The following PBRM1 variants were observed in gnomAD, a reference collection of about 807,000 sequenced individuals.
The protein encoded by PBRM1 is polybromo 1, also known as protein polybromo-1.
Under a neutral mutation model 194.5 loss-of-function variants are expected in PBRM1, and 27 were observed. The observed-to-expected ratio is 0.14, with a 90% CI of 0.10 to 0.19. The LOEUF is 0.19. Among genes scored for constraint, PBRM1 ranks in the 10% least tolerant of loss-of-function variants. PBRM1 has a pLI of 1.00. For synonymous variants in PBRM1, 655 were observed against 693.2 expected (o/e 0.94, Z 0.87); for missense variants, 1,466 against 2,077.2 (o/e 0.71, Z 5.72).
chr3:52,598,955 G>C (rs2093772311), intron 17 of PBRM1, among the ~76,000 whole-genome samples: 1 of 149,106 alleles, frequency 6.7e-6, no homozygotes, highest in African/African-American at 2.5e-5. Flanking sequence ...CTGGGAGGCA[G>C]AGGCTGCAGT....
At chr3:52,565,349 T>G (rs2084840211) in intron 22 of PBRM1, among the ~76,000 whole-genome samples, 1 of 149,708 alleles carries the variant, frequency 6.7e-6, no homozygotes, top group African/African-American at 2.5e-5. Flanking sequence ...CTACTAAAAA[T>G]ACAAAAAAAT....
chr3:52,564,599 G>C (rs2084548229), intron 22 of PBRM1, among the ~76,000 whole-genome samples: 1 of 151,492 alleles, frequency 6.6e-6, no homozygotes, highest in Admixed American at 6.6e-5. Flanking sequence ...ACAGTGAGCT[G>C]TGATTGCACT....
chr3:52,563,913 A>G, intron 23 of PBRM1, 137 bp downstream of exon 25: 1 of 622,340 alleles, frequency 1.6e-6, no homozygotes, highest in South Asian at 2.3e-5. Context: ...TTAATCTTTA[A>G]GTGAATAAAT....
At chr3:52,647,429 GAAAAAAAAAAAA>G (rs71637569) in intron 7 of PBRM1, among the ~76,000 whole-genome samples, 6 of 44,494 alleles carry the variant, frequency 1.3e-4, no homozygotes, top group South Asian at 1.4e-3. Flanking sequence ...GTATCAAAGA[GAAAAAAAAAAAA>G]AAAAAAAAAA....
At chr3:52,567,343 C>G (rs116664445) in intron 22 of PBRM1, among the ~76,000 whole-genome samples, 1 of 151,642 alleles carries the variant, frequency 6.6e-6, no homozygotes, top group Non-Finnish European at 1.5e-5. Flanking sequence ...TCAATTTGCA[C>G]GTAGGTGAAT....
intron 4 of PBRM1, among the ~76,000 whole-genome samples, chr3:52,660,103 T>C (rs758631874): frequency 6.6e-6 from 1 of 151,968 alleles, no homozygotes; most frequent in Non-Finnish European, 1.5e-5. Flanking sequence ...AAAAACAAAA[T>C]TTGAAAGAGG....
intron 5 of PBRM1, among the ~76,000 whole-genome samples, chr3:52,653,238 T>C (rs2096542380): frequency 2.0e-5 from 3 of 152,220 alleles, no homozygotes; most frequent in South Asian, 4.1e-4. Context: ...CTTCTGCTTA[T>C]TTCAGTCAAA....
chr3:52,592,426 C>CCA (rs2093174998), intron 17 of PBRM1, among the ~76,000 whole-genome samples: 1 of 152,154 alleles, frequency 6.6e-6, no homozygotes, highest in African/African-American at 2.4e-5. Context: ...GCCACCACAC[C>CCA]TGGCTGTCTT....
intron 17 of PBRM1, among the ~76,000 whole-genome samples, chr3:52,601,103 G>A (rs143787465): frequency 2.0e-5 from 3 of 152,204 alleles, no homozygotes; most frequent in East Asian, 1.9e-4. Flanking sequence ...ATTTACTTTC[G>A]TAGAAGAGGA....
chr3:52,680,506 A>T (rs2097185457), upstream of PBRM1, among the ~76,000 whole-genome samples: 1 of 152,238 alleles, frequency 6.6e-6, no homozygotes, highest in African/African-American at 2.4e-5. Flanking sequence ...TAACAATTTT[A>T]ACTATAACTC....
intron 10 of PBRM1, among the ~76,000 whole-genome samples, chr3:52,638,361 CTT>C (rs377016839): frequency 1.7e-4 from 24 of 141,432 alleles, no homozygotes; most frequent in Admixed American, 2.1e-4. Flanking sequence ...TCATTTTATT[CTT>C]TTTTTTTTTT....
At chr3:52,634,309 C>T (rs756613829) in intron 11 of PBRM1, among the ~76,000 whole-genome samples, 26 of 151,820 alleles carry the variant, frequency 1.7e-4, no homozygotes, top group Admixed American at 3.3e-4. Context: ...TGGTGGTGCG[C>T]ACCTGTAGTC....
chr3:52,643,034 C>T (rs758135878), intron 9 of PBRM1, among the ~76,000 whole-genome samples: 3 of 152,122 alleles, frequency 2.0e-5, no homozygotes, highest in Non-Finnish European at 4.4e-5. Context: ...GTGATTCACC[C>T]GTATCAGCCT....
intron 5 of PBRM1, among the ~76,000 whole-genome samples, chr3:52,656,573 G>A (rs2096611764): frequency 6.6e-6 from 1 of 152,240 alleles, no homozygotes; most frequent in Admixed American, 6.5e-5. Context: ...GCTGAGGCAG[G>A]ACAATCGCTT....
downstream of PBRM1, chr3:52,546,441 T>C (rs952250778): frequency 3.1e-5 from 7 of 229,368 alleles, no homozygotes; most frequent in Non-Finnish European, 4.3e-5. Flanking sequence ...AGTGGTTGAC[T>C]AAAGGCAATT....
intron 13 of PBRM1, among the ~76,000 whole-genome samples, chr3:52,623,682 T>C (rs1323902414): frequency 2.0e-5 from 3 of 152,242 alleles, no homozygotes; most frequent in African/African-American, 7.2e-5. Flanking sequence ...ACATATTAAC[T>C]AACTGGATCC....
At chr3:52,634,103 G>T (rs2083180) in intron 11 of PBRM1, among the ~76,000 whole-genome samples, 68,634 of 151,818 alleles carry the variant, frequency 0.45, 15,841 homozygotes, top group African/African-American at 0.52. Context: ...TAATAAAAGA[G>T]GTAGGCTGAA....
intron 17 of PBRM1, among the ~76,000 whole-genome samples, chr3:52,602,173 C>A (rs1339082589): frequency 6.6e-6 from 1 of 152,142 alleles, no homozygotes; most frequent in Admixed American, 6.6e-5. Context: ...ACTTGAAATT[C>A]TTGGAGCTGT....
chr3:52,605,497 C>T (rs1348396734), intron 16 of PBRM1, among the ~76,000 whole-genome samples: 1 of 152,098 alleles, frequency 6.6e-6, no homozygotes, highest in African/African-American at 2.4e-5. Flanking sequence ...ACTAGAGCAT[C>T]AAACTTCAGA....
Sources: gnomAD v4.1 joint callset for allele counts (sites outside exome capture counted in the v4.1 genomes callset) on GRCh38, gnomAD v4.1.1 for gene constraint, MANE v1.5 for transcripts, NCBI Gene and HGNC (gene_info 2026-07-23, HGNC 2026-07-21) for gene names.